CAMSAP1: variants seen among roughly 807,000 people sequenced by gnomAD.
CAMSAP1 encodes calmodulin-regulated spectrin-associated protein 1.
CAMSAP1 carries 58 observed loss-of-function variants against 143.5 expected under a neutral mutation model. The observed-to-expected ratio is 0.40, with a 90% CI of 0.33 to 0.50. The LOEUF is 0.50. CAMSAP1 is among the 20% of genes least tolerant of loss of function. The pLI is 0.45. For synonymous variants in CAMSAP1, 945 were observed against 859.3 expected (o/e 1.10, Z -1.74); for missense variants, 1,969 against 2,115.7 (o/e 0.93, Z 1.36).
chr9:135,875,849 G>A (rs1158197629), intron 3 of CAMSAP1, among the ~76,000 whole-genome samples: 1 of 152,156 alleles, frequency 6.6e-6, no homozygotes, highest in Non-Finnish European at 1.5e-5. Context: ...GAAAACATAG[G>A]AGAAACTCCT....
intron 4 of CAMSAP1, chr9:135,865,509 G>A (rs1040332461): frequency 1.6e-5 from 11 of 697,460 alleles, no homozygotes; most frequent in African/African-American, 1.1e-4. Context: ...CTAAGTGTAC[G>A]TGGCCATAGT....
intron 14 of CAMSAP1, 88 bp from the exon 15 acceptor site, chr9:135,816,093 C>T (rs1835221264): frequency 8.4e-7 from 1 of 1,189,666 alleles, no homozygotes; most frequent in African/African-American, 1.5e-5. Flanking sequence ...GCAACCAGGA[C>T]AGGAAGCACA....
At chr9:135,899,992 C>T (rs954990788) in intron 1 of CAMSAP1, among the ~76,000 whole-genome samples, 1 of 152,138 alleles carries the variant, frequency 6.6e-6, no homozygotes, top group African/African-American at 2.4e-5. Flanking sequence ...CGAAGGGCCC[C>T]ACAGTTCACA....
intron 7 of CAMSAP1, among the ~76,000 whole-genome samples, chr9:135,847,476 G>A (rs750367584): frequency 6.6e-6 from 1 of 151,940 alleles, no homozygotes; most frequent in African/African-American, 2.4e-5. Flanking sequence ...TGCCCATCTG[G>A]ATAAAGAAAA....
intron 5 of CAMSAP1, 93 bp downstream of exon 5, chr9:135,862,373 CT>C (rs55684126): frequency 0.19 from 189,577 of 975,798 alleles, 3,245 homozygotes; most frequent in East Asian, 0.41. Context: ...TTTTCTTTCT[CT>C]TTTTTTTTTT....
At chr9:135,858,573 C>T (rs1376775339) in intron 5 of CAMSAP1, among the ~76,000 whole-genome samples, 2 of 152,218 alleles carry the variant, frequency 1.3e-5, no homozygotes, top group African/African-American at 4.8e-5. Flanking sequence ...GTGCATTTGT[C>T]AGGGTTCTCC....
chr9:135,870,411 C>A (rs1837531412), intron 3 of CAMSAP1, among the ~76,000 whole-genome samples: 2 of 152,282 alleles, frequency 1.3e-5, no homozygotes, highest in Admixed American at 1.3e-4. Context: ...GTCAATTAAA[C>A]CTCTTTTCTT....
intron 14 of CAMSAP1, among the ~76,000 whole-genome samples, chr9:135,816,810 C>G (rs183104932): frequency 6.6e-6 from 1 of 152,304 alleles, no homozygotes; most frequent in Admixed American, 6.5e-5. Context: ...CCCACGAGAG[C>G]TGACAACACG....
chr9:135,905,445 A>C (rs1838748514), intron 1 of CAMSAP1, among the ~76,000 whole-genome samples: 1 of 152,220 alleles, frequency 6.6e-6, no homozygotes, highest in Admixed American at 6.5e-5. Flanking sequence ...AAATCTTAAA[A>C]AACATGCAGG....
At chr9:135,855,844 A>C (rs1017664917) in intron 5 of CAMSAP1, among the ~76,000 whole-genome samples, 3 of 151,246 alleles carry the variant, frequency 2.0e-5, no homozygotes, top group Middle Eastern at 3.5e-3. Flanking sequence ...CAAGGTCAGG[A>C]GATCAAGACC....
chr9:135,898,033 T>C lies in CAMSAP1; in HGVS notation c.160+8967A>G, dbSNP rs189432502. Among the ~76,000 whole-genome samples, 3 of 152,130 alleles carry C rather than the reference T, an allele frequency of 2.0e-5. No individual in the cohort carries two copies. In the East Asian group the frequency reaches 5.8e-4, roughly 29 times the overall value. On this transcript the variant is annotated intron_variant, in intron 1 of 16. Transcript: ENST00000389532. Reference sequence around the variant, plus strand: ...AGCTGTGGCAGTACTAAGTGGGAAATTTACAGCACTAGAGTCTTACATCAG... The same window carrying C: ...AGCTGTGGCAGTACTAAGTGGGAAACTTACAGCACTAGAGTCTTACATCAG...
At chr9:135,837,048 C>A in intron 7 of CAMSAP1, 1 of 660,690 alleles carries the variant, frequency 1.5e-6, no homozygotes. Context: ...TAGAGACACA[C>A]ATCATCATGC....
intron 1 of CAMSAP1, among the ~76,000 whole-genome samples, chr9:135,900,053 T>C (rs1838571942): frequency 6.6e-6 from 1 of 152,112 alleles, no homozygotes; most frequent in Non-Finnish European, 1.5e-5. Flanking sequence ...TGAGACAGGA[T>C]CTTGCTCTGT....
intron 1 of CAMSAP1, among the ~76,000 whole-genome samples, chr9:135,894,273 C>T (rs1365320291): frequency 6.6e-6 from 1 of 152,192 alleles, no homozygotes; most frequent in Non-Finnish European, 1.5e-5. Context: ...AGTGGGACCA[C>T]CATCACCAGC....
chr9:135,812,226 T>C (rs1352105117), intron 16 of CAMSAP1, among the ~76,000 whole-genome samples: 2 of 152,118 alleles, frequency 1.3e-5, no homozygotes, highest in Admixed American at 6.5e-5. Context: ...TGCACATCTG[T>C]TCCCTATCAA....
intron 14 of CAMSAP1, 163 bp downstream of exon 14, chr9:135,817,814 C>A: frequency 1.6e-6 from 1 of 635,366 alleles, no homozygotes; most frequent in Non-Finnish European, 2.7e-6. Flanking sequence ...GTGTGAAGGG[C>A]ACTGGTATTC....
At chr9:135,825,355 C>T (rs948340041) in intron 8 of CAMSAP1, among the ~76,000 whole-genome samples, 3 of 152,164 alleles carry the variant, frequency 2.0e-5, no homozygotes, top group Non-Finnish European at 2.9e-5. Context: ...CCATCACAGA[C>T]GGCAGCATGA....
chr9:135,904,821 C>A (rs1564466397), intron 1 of CAMSAP1, among the ~76,000 whole-genome samples: 1 of 152,222 alleles, frequency 6.6e-6, no homozygotes, highest in East Asian at 1.9e-4. Flanking sequence ...AAAAACTGGC[C>A]GGGAGTGGGG....
intron 5 of CAMSAP1, among the ~76,000 whole-genome samples, chr9:135,857,497 C>T (rs1362701009): frequency 6.6e-6 from 1 of 152,180 alleles, no homozygotes; most frequent in Non-Finnish European, 1.5e-5. Flanking sequence ...ATTCTGTACA[C>T]AGTTATGTGC....
Sources: gnomAD v4.1 joint callset for allele counts (sites outside exome capture counted in the v4.1 genomes callset) on GRCh38, gnomAD v4.1.1 for gene constraint, MANE v1.5 for transcripts, NCBI Gene and HGNC (gene_info 2026-07-23, HGNC 2026-07-21) for gene names.